The following PARD3 variants were observed in gnomAD, a reference collection of about 807,000 sequenced individuals.
The protein encoded by PARD3 is par-3 family cell polarity regulator, also known as partitioning defective 3 homolog.
A neutral mutation model predicts 155.4 loss-of-function variants in PARD3; 75 were observed. That is an observed-to-expected ratio of 0.48 (90% CI 0.40 to 0.58). PARD3 has a LOEUF of 0.58. PARD3 is among the 20% of genes least tolerant of loss of function. The pLI is 0.00. For missense variants in PARD3, 1,642 were observed against 1,721.7 expected, an observed-to-expected ratio of 0.95 and a Z score of 0.82; for synonymous variants, 576 against 610.5, an observed-to-expected ratio of 0.94 and a Z score of 0.83.
intron 22 of PARD3, among the ~76,000 whole-genome samples, chr10:34,192,228 C>G (rs1358861983): frequency 6.6e-6 from 1 of 151,994 alleles, no homozygotes; most frequent in Non-Finnish European, 1.5e-5. Flanking sequence ...TCACCATGCC[C>G]AGCTAATTCT....
intron 1 of PARD3, among the ~76,000 whole-genome samples, chr10:34,728,820 A>G (rs2094765109): frequency 6.6e-6 from 1 of 152,236 alleles, no homozygotes; most frequent in Admixed American, 6.5e-5. Context: ...TCTAGGTTTC[A>G]TATCAGGCAA....
chr10:34,634,955 G>A (rs956485100), intron 2 of PARD3, among the ~76,000 whole-genome samples: 1 of 152,208 alleles, frequency 6.6e-6, no homozygotes, highest in Admixed American at 6.5e-5. Flanking sequence ...GGGCACAGTG[G>A]TGCTTCATGT....
At chr10:34,463,749 T>C (rs1342238277) in intron 4 of PARD3, among the ~76,000 whole-genome samples, 1 of 152,168 alleles carries the variant, frequency 6.6e-6, no homozygotes, top group East Asian at 1.9e-4. Flanking sequence ...GGACCACATA[T>C]ATAATGGTGA....
chr10:34,717,140 G>A (rs4622208), intron 1 of PARD3, among the ~76,000 whole-genome samples: 42,163 of 151,874 alleles, frequency 0.28, 7,192 homozygotes, highest in Non-Finnish European at 0.38. Context: ...GGCATCTAGT[G>A]AGTGCAAGCC....
chr10:34,745,238 C>T (rs1180494304), intron 1 of PARD3, among the ~76,000 whole-genome samples: 1 of 152,046 alleles, frequency 6.6e-6, no homozygotes, highest in Admixed American at 6.5e-5. Context: ...TAGCATGAGC[C>T]TGTAGTCCCA....
At chr10:34,756,254 C>T (rs80030814) in intron 1 of PARD3, among the ~76,000 whole-genome samples, 4 of 147,318 alleles carry the variant, frequency 2.7e-5, no homozygotes, top group Admixed American at 2.1e-4. Flanking sequence ...CCTGGGTTCA[C>T]GCCATTCTCC....
intron 22 of PARD3, among the ~76,000 whole-genome samples, chr10:34,200,440 C>A (rs1588727720): frequency 6.6e-6 from 1 of 152,032 alleles, no homozygotes; most frequent in East Asian, 1.9e-4. Flanking sequence ...AACAAACCCG[C>A]AGGAGAGGCA....
chr10:34,513,090 A>C (rs2081495690), intron 3 of PARD3, among the ~76,000 whole-genome samples: 1 of 152,194 alleles, frequency 6.6e-6, no homozygotes, highest in Non-Finnish European at 1.5e-5. Context: ...TTTGTCTTTA[A>C]AATTAAAATT....
At chr10:34,670,893 C>T (rs1021710115) in intron 2 of PARD3, among the ~76,000 whole-genome samples, 1 of 152,182 alleles carries the variant, frequency 6.6e-6, no homozygotes, top group African/African-American at 2.4e-5. Context: ...ACCTGAACCT[C>T]CCAGAAAAGA....
chr10:34,416,261 A>G (rs1845666661), intron 5 of PARD3, among the ~76,000 whole-genome samples: 1 of 152,146 alleles, frequency 6.6e-6, no homozygotes, highest in Non-Finnish European at 1.5e-5. Flanking sequence ...AGAGCCCCAC[A>G]ATAACCCAAA....
chr10:34,651,865 T>C (rs925505702), intron 2 of PARD3, among the ~76,000 whole-genome samples: 1 of 152,228 alleles, frequency 6.6e-6, no homozygotes, highest in African/African-American at 2.4e-5. Context: ...ATTCCAGTTG[T>C]ACCATACAAT....
At chr10:34,717,880 G>A (rs149097145) in intron 1 of PARD3, among the ~76,000 whole-genome samples, 20 of 152,292 alleles carry the variant, frequency 1.3e-4, no homozygotes, top group African/African-American at 3.4e-4. Context: ...GGGGCCAAGC[G>A]TGGTGGCTCA....
At chr10:34,344,289 T>G (rs1011001446) in intron 15 of PARD3, 49 of 981,324 alleles carry the variant, frequency 5.0e-5, no homozygotes, top group African/African-American at 2.8e-4. Context: ...TGTTTTTTTT[T>G]TTTTTTTTTT....
intron 22 of PARD3, among the ~76,000 whole-genome samples, chr10:34,250,490 T>A (rs1954240688): frequency 6.6e-6 from 1 of 152,184 alleles, no homozygotes; most frequent in Non-Finnish European, 1.5e-5. Context: ...AATGCATTCA[T>A]TTATTCCTTG....
chr10:34,614,042 CAT>C (rs2091090368), intron 2 of PARD3, among the ~76,000 whole-genome samples: 1 of 152,058 alleles, frequency 6.6e-6, no homozygotes, highest in Admixed American at 6.5e-5. Context: ...TATACTCATA[CAT>C]ACATGTGTTT....
intron 2 of PARD3, among the ~76,000 whole-genome samples, chr10:34,650,444 C>T (rs950975441): frequency 2.0e-5 from 3 of 152,194 alleles, no homozygotes; most frequent in Non-Finnish European, 4.4e-5. Context: ...ATGTGAACTG[C>T]TAAGCCAAAG....
intron 2 of PARD3, among the ~76,000 whole-genome samples, chr10:34,597,053 TG>T (rs941662851): frequency 2.0e-5 from 3 of 152,122 alleles, no homozygotes. Context: ...CCTATCAGAA[TG>T]GTCAAGGAAA....
At chr10:34,489,136 T>C (rs1465952573) in intron 3 of PARD3, among the ~76,000 whole-genome samples, 11 of 152,190 alleles carry the variant, frequency 7.2e-5, no homozygotes, top group Non-Finnish European at 1.6e-4. Context: ...TCAGGAGTTC[T>C]AGACCAGCCT....
chr10:34,252,549 A>G (rs1954380425), intron 22 of PARD3, among the ~76,000 whole-genome samples: 1 of 152,118 alleles, frequency 6.6e-6, no homozygotes, highest in African/African-American at 2.4e-5. Context: ...CTGTCTCTAC[A>G]GTGATCTGAA....
Sources: allele counts gnomAD v4.1 joint callset (sites outside exome capture counted in the v4.1 genomes callset), GRCh38; gene constraint gnomAD v4.1.1; transcripts MANE v1.5; gene names NCBI Gene and HGNC (gene_info 2026-07-23, HGNC 2026-07-21).